Variants in KIAA1328 observed in about 807,000 individuals in gnomAD.
The protein encoded by KIAA1328 is KIAA1328.
A neutral mutation model predicts 68.1 loss-of-function variants in KIAA1328; 52 were observed. That is an observed-to-expected ratio of 0.76 (90% CI 0.61 to 0.96). The LOEUF is 0.96. Among genes scored for constraint, KIAA1328 ranks in the 40% least tolerant of loss-of-function variants. KIAA1328 has a pLI of 0.00. For missense variants in KIAA1328, 641 were observed against 677.6 expected, an observed-to-expected ratio of 0.95 and a Z score of 0.60; for synonymous variants, 232 against 239.4, an observed-to-expected ratio of 0.97 and a Z score of 0.28.
At chr18:37,041,640 TTGTGTGTGTGTG>T (rs56237948) in intron 6 of KIAA1328, among the ~76,000 whole-genome samples, 5,357 of 146,986 alleles carry the variant, frequency 0.036, 316 homozygotes, top group African/African-American at 0.13. Flanking sequence ...TTTTTTGTGT[TTGTGTGTGTGTG>T]TGTGTGTGTG....
At chr18:36,999,518 G>A (rs2053512275) in intron 6 of KIAA1328, among the ~76,000 whole-genome samples, 1 of 152,146 alleles carries the variant, frequency 6.6e-6, no homozygotes, top group Admixed American at 6.5e-5. Flanking sequence ...AAAATAGCAA[G>A]TGAAAATCAT....
chr18:37,067,552 A>G lies in KIAA1328; in HGVS notation c.1232+7A>G, dbSNP rs2056385415. ...CTCGACTGGATTACAATTGGTGAGT[A>G]CTGCCTGTTCTTTTTTTTTTTTTTT... On this transcript the variant is annotated splice_region_variant and intron_variant, in intron 7 of 9. Coordinates refer to ENST00000280020, the MANE Select transcript of KIAA1328 (RefSeq NM_020776.3). 5 of 1,471,746 alleles carry G rather than the reference A, an allele frequency of 3.4e-6. No homozygotes were observed. Among genetic ancestry groups the G allele is most frequent in the Non-Finnish European group, 4.5e-6 (5 of 1,121,074 alleles). The allele number at this position is 1,471,746 out of a possible 1,614,324, so 91.2% of individuals were successfully genotyped here.
At chr18:37,211,803 G>C (rs2060321911) in intron 9 of KIAA1328, among the ~76,000 whole-genome samples, 1 of 152,156 alleles carries the variant, frequency 6.6e-6, no homozygotes, top group Admixed American at 6.6e-5. Flanking sequence ...TCAAATGATT[G>C]AATATGTTGG....
chr18:37,084,689 T>G (rs2057051223), intron 7 of KIAA1328, among the ~76,000 whole-genome samples: 1 of 152,230 alleles, frequency 6.6e-6, no homozygotes, highest in African/African-American at 2.4e-5. Flanking sequence ...TACAGGGTTT[T>G]GCTATTATAA....
At chr18:37,062,825 C>T (rs1027962386) in intron 6 of KIAA1328, among the ~76,000 whole-genome samples, 3 of 152,090 alleles carry the variant, frequency 2.0e-5, no homozygotes, top group African/African-American at 7.2e-5. Context: ...TACTGGTGAG[C>T]AACCTCAAAT....
intron 5 of KIAA1328, among the ~76,000 whole-genome samples, chr18:36,945,544 G>T (rs1010253965): frequency 1.3e-5 from 2 of 152,098 alleles, no homozygotes; most frequent in African/African-American, 4.8e-5. Flanking sequence ...CATTGTATAA[G>T]AACTCTCCTT....
At chr18:37,178,117 AGTCACCCTACT>A (rs1336927575) in intron 9 of KIAA1328, among the ~76,000 whole-genome samples, 6 of 152,084 alleles carry the variant, frequency 3.9e-5, no homozygotes, top group African/African-American at 1.4e-4. Flanking sequence ...TGTTAGCCAT[AGTCACCCTACT>A]GCACAATAGA....
chr18:36,872,912 G>C (rs919361246), intron 4 of KIAA1328, among the ~76,000 whole-genome samples: 2 of 152,188 alleles, frequency 1.3e-5, no homozygotes, highest in Admixed American at 6.5e-5. Flanking sequence ...CCTATTGTTT[G>C]ATTGAAAGGT....
At chr18:36,972,177 T>G (rs1261010378) in intron 6 of KIAA1328, among the ~76,000 whole-genome samples, 1 of 152,182 alleles carries the variant, frequency 6.6e-6, no homozygotes, top group Non-Finnish European at 1.5e-5. Context: ...GGAGAAAGAA[T>G]AATCTTTTCA....
chr18:36,830,668 G>A (rs1395383856), intron 1 of KIAA1328, among the ~76,000 whole-genome samples: 2 of 152,108 alleles, frequency 1.3e-5, no homozygotes, highest in Non-Finnish European at 2.9e-5. Context: ...TTCGCACCCA[G>A]TACTTTCACT....
chr18:36,850,686 A>C (rs2150839107), intron 4 of KIAA1328, among the ~76,000 whole-genome samples: 1 of 152,260 alleles, frequency 6.6e-6, no homozygotes, highest in South Asian at 2.1e-4. Flanking sequence ...GCACTGTCAT[A>C]GCTCAATCTG....
At chr18:37,047,387 G>A (rs1375934275) in intron 6 of KIAA1328, among the ~76,000 whole-genome samples, 1 of 151,978 alleles carries the variant, frequency 6.6e-6, no homozygotes, top group African/African-American at 2.4e-5. Context: ...TATATTAGAT[G>A]GGCATAAGGA....
At chr18:36,988,446 T>G (rs2053034934) in intron 6 of KIAA1328, among the ~76,000 whole-genome samples, 1 of 152,330 alleles carries the variant, frequency 6.6e-6, no homozygotes, top group South Asian at 2.1e-4. Context: ...TCATCGTAAC[T>G]TGGGAATGTT....
At chr18:36,911,687 A>T (rs1358774713) in intron 5 of KIAA1328, among the ~76,000 whole-genome samples, 1 of 152,216 alleles carries the variant, frequency 6.6e-6, no homozygotes, top group African/African-American at 2.4e-5. Flanking sequence ...AGACCTACTT[A>T]GATTCAACGC....
At chr18:36,861,745 T>C (rs1315222258) in intron 4 of KIAA1328, among the ~76,000 whole-genome samples, 1 of 152,162 alleles carries the variant, frequency 6.6e-6, no homozygotes, top group Non-Finnish European at 1.5e-5. Flanking sequence ...TATGGCTTAA[T>C]GCAGCCTCAA....
At chr18:37,048,687 C>G (rs2055573541) in intron 6 of KIAA1328, among the ~76,000 whole-genome samples, 1 of 152,116 alleles carries the variant, frequency 6.6e-6, no homozygotes, top group African/African-American at 2.4e-5. Flanking sequence ...CCATAAAGAT[C>G]CCTATTTTTA....
intron 7 of KIAA1328, among the ~76,000 whole-genome samples, chr18:37,115,544 C>A (rs1419232897): frequency 6.6e-6 from 1 of 152,104 alleles, no homozygotes; most frequent in African/African-American, 2.4e-5. Context: ...TATGACAAAC[C>A]CACAGCCAAT....
chr18:37,166,723 A>G (rs990987510), intron 8 of KIAA1328, among the ~76,000 whole-genome samples: 10 of 152,164 alleles, frequency 6.6e-5, no homozygotes, highest in African/African-American at 2.4e-4. Flanking sequence ...TTGTCTGACT[A>G]AACTTTCTCT....
intron 6 of KIAA1328, among the ~76,000 whole-genome samples, chr18:37,062,862 G>A (rs2056205595): frequency 6.6e-6 from 1 of 152,146 alleles, no homozygotes; most frequent in Non-Finnish European, 1.5e-5. Context: ...GTAATGTGCT[G>A]TATTAGTTTT....
Sources: allele counts gnomAD v4.1 joint callset (sites outside exome capture counted in the v4.1 genomes callset), GRCh38; gene constraint gnomAD v4.1.1; transcripts MANE v1.5; gene names NCBI Gene and HGNC (gene_info 2026-07-23, HGNC 2026-07-21).